The following ATXN3 variants were observed in gnomAD, a reference collection of about 807,000 sequenced individuals.
ATXN3 encodes ataxin 3, also known as ataxin-3.
Under a neutral mutation model 58.2 loss-of-function variants are expected in ATXN3, and 28 were observed. The observed-to-expected ratio is 0.48, with a 90% CI of 0.36 to 0.66. ATXN3 has a LOEUF of 0.66. ATXN3 is among the 30% of genes least tolerant of loss of function. ATXN3 has a pLI of 0.00. For missense variants in ATXN3, 321 were observed against 422.1 expected (o/e 0.76, Z 2.10); for synonymous variants, 113 against 138.5 (o/e 0.82, Z 1.29).
chr14:92,086,380 T>C (rs112083702), intron 6 of ATXN3, among the ~76,000 whole-genome samples: 18,076 of 150,588 alleles, frequency 0.12, 1,165 homozygotes, highest in African/African-American at 0.17. Context: ...CTAACAAACA[T>C]GGAGAAACCC....
intron 10 of ATXN3, among the ~76,000 whole-genome samples, chr14:92,066,618 T>C (rs59217884): frequency 2.0e-5 from 2 of 100,292 alleles, no homozygotes; most frequent in East Asian, 6.4e-4. Context: ...TTTTTTTTTT[T>C]TTTTTTTGAG....
intron 1 of ATXN3, among the ~76,000 whole-genome samples, chr14:92,104,236 G>T (rs1211166230): frequency 6.6e-6 from 1 of 152,152 alleles, no homozygotes; most frequent in Non-Finnish European, 1.5e-5. Flanking sequence ...TGCCTCTCGG[G>T]TTCAAGCAAT....
intron 1 of ATXN3, chr14:92,048,093 C>T (rs2057435106): frequency 6.6e-6 from 1 of 152,258 alleles, no homozygotes; most frequent in Non-Finnish European, 1.5e-5. Context: ...TGGGGTCCTG[C>T]ACAGATGGGA....
downstream of ATXN3, among the ~76,000 whole-genome samples, chr14:92,053,819 T>A (rs920118155): frequency 6.6e-6 from 1 of 152,054 alleles, no homozygotes; most frequent in Non-Finnish European, 1.5e-5. Flanking sequence ...TTCTGATTGC[T>A]GGGCTGCAAC....
rs1364134780 is a variant in ATXN3 at position 92,060,008 on chromosome 14, GC to G, written c.*4311del. ...CCTCCTGGGTTTAAACGATTCTCCTGCCTCAGCCTCCCAAGTAACTGGGATT... is the reference window on the plus strand; with the variant it reads ...CCTCCTGGGTTTAAACGATTCTCCTGCTCAGCCTCCCAAGTAACTGGGATT... On this transcript the variant is annotated 3_prime_UTR_variant, in exon 11 of 11. Transcript: ENST00000644486. 2 of 148,452 alleles carry G rather than the reference GC, an allele frequency of 1.3e-5. No homozygotes were observed. The highest frequency in any genetic ancestry group is 4.9e-5 in the African/African-American group (2 of 40,710). The allele number at this position is 148,452 out of a possible 1,614,324, so 9.2% of individuals were successfully genotyped here.
intron 2 of ATXN3, among the ~76,000 whole-genome samples, chr14:92,046,479 G>T (rs1345688953): frequency 6.6e-6 from 1 of 152,238 alleles, no homozygotes; most frequent in African/African-American, 2.4e-5. Flanking sequence ...TGTTTGGACA[G>T]AAAGGCTACA....
At chr14:92,076,363 G>C (rs560458940) in intron 9 of ATXN3, among the ~76,000 whole-genome samples, 11 of 151,264 alleles carry the variant, frequency 7.3e-5, no homozygotes, top group Non-Finnish European at 8.8e-5. Flanking sequence ...CAGGGGAATT[G>C]CTTGAACCAG....
intron 1 of ATXN3, among the ~76,000 whole-genome samples, chr14:92,104,966 T>G (rs2067899410): frequency 6.6e-6 from 1 of 151,298 alleles, no homozygotes; most frequent in Admixed American, 6.6e-5. Context: ...TCACGCACTC[T>G]ACTCAGCCAA....
upstream of ATXN3, among the ~76,000 whole-genome samples, chr14:92,052,861 T>C (rs1168395233): frequency 6.6e-6 from 1 of 152,200 alleles, no homozygotes; most frequent in Non-Finnish European, 1.5e-5. Flanking sequence ...GACTGAGGCT[T>C]TGCTTGATAG....
intron 5 of ATXN3, among the ~76,000 whole-genome samples, chr14:92,089,205 A>C (rs2063220360): frequency 6.6e-6 from 1 of 151,226 alleles, no homozygotes; most frequent in African/African-American, 2.4e-5. Context: ...TTAGTTAGAG[A>C]CAGCACATTT....
chr14:92,081,465 C>CAAAAAAAAAAAAAAAA (rs58398762), intron 8 of ATXN3, among the ~76,000 whole-genome samples: 40 of 82,958 alleles, frequency 4.8e-4, no homozygotes, highest in Admixed American at 1.0e-3. Flanking sequence ...GACTCTGACT[C>CAAAAAAAAAAAAAAAA]AAAAAAAAAA....
Position 92,083,267 on chromosome 14 carries a change from A to G in ATXN3, c.476-9T>C, listed in dbSNP as rs1379838006. ...GACAAATATAGAATAACCTAAAAAA[A>G]AAAGGCAAAAATCAACCTAACCAGT... On this transcript the variant is annotated splice_polypyrimidine_tract_variant and intron_variant, in intron 6 of 10. Coordinates refer to ENST00000644486, the MANE Select transcript of ATXN3 (RefSeq NM_004993.6). 6.3e-7 allele frequency: 1 copy of G among 1,590,958 alleles called. No individual in the cohort carries two copies. The highest frequency in any genetic ancestry group is 8.5e-7 in the Non-Finnish European group (1 of 1,173,944).
At chr14:92,095,312 T>C (rs1460232874) in intron 3 of ATXN3, among the ~76,000 whole-genome samples, 1 of 152,056 alleles carries the variant, frequency 6.6e-6, no homozygotes, top group Non-Finnish European at 1.5e-5. Context: ...GGCGCGATCT[T>C]GGCTCACTGC....
rs913618040 is a variant in ATXN3 at position 92,090,796 on chromosome 14, T to C, written c.388-1979A>G. The stretch of plus-strand genomic sequence containing the variant: ...ACAACCTTAAAAATTCAGTGCTTAC[T>C]TTATACAAAAAAAAGTAAAAAATAC... On this transcript the variant is annotated intron_variant, in intron 5 of 10. Transcript: ENST00000644486. Among the ~76,000 whole-genome samples, 8 of 152,152 alleles carry C rather than the reference T, an allele frequency of 5.3e-5. No homozygotes were observed. The East Asian group carries it at 1.5e-3, about 29-fold the overall frequency.
intron 7 of ATXN3, among the ~76,000 whole-genome samples, chr14:92,082,820 T>G (rs2061709009): frequency 6.6e-6 from 1 of 152,026 alleles, no homozygotes; most frequent in African/African-American, 2.4e-5. Flanking sequence ...TGGCTAATTT[T>G]TGTACTATTT....
chr14:92,095,983 C>A, intron 3 of ATXN3, 110 bp downstream of exon 3: 2 of 913,238 alleles, frequency 2.2e-6, no homozygotes, highest in Non-Finnish European at 3.7e-6. Context: ...AATCTATACT[C>A]TGTAGACAGA....
At chr14:92,051,708 C>CT (rs2057448421), upstream of ATXN3, among the ~76,000 whole-genome samples, 1 of 28,154 alleles carries the variant, frequency 3.6e-5, no homozygotes, top group Non-Finnish European at 7.9e-5. Flanking sequence ...TTCTTTTCTT[C>CT]TTTTCCTTTC....
At position 92,062,302 on chromosome 14, in the gene ATXN3, T is replaced by G. The variant is rs187186734; in HGVS notation, c.*2018A>C. On this transcript the variant is annotated 3_prime_UTR_variant, in exon 11 of 11. Transcript: ENST00000644486. Reference sequence around the variant, plus strand: ...ACAAAAACTCTCTAGGAACTAAAAGTCAAACATGCCATATTTTCTTAAGTG... The same window carrying G: ...ACAAAAACTCTCTAGGAACTAAAAGGCAAACATGCCATATTTTCTTAAGTG... 1.1e-4 allele frequency: 17 copies of G among 152,096 alleles called. No individual in the cohort carries two copies. The highest frequency in any genetic ancestry group is 5.2e-4 in the Admixed American group (8 of 15,258). 9.4% of individuals were successfully genotyped at this position (152,096 alleles called of 1,614,324 possible). A position where few individuals can be genotyped will look rare whatever the true frequency, so the allele number is the denominator to read the frequency against.
intron 10 of ATXN3, among the ~76,000 whole-genome samples, chr14:92,065,669 T>C (rs7150333): frequency 0.45 from 67,878 of 151,904 alleles, 16,376 homozygotes; most frequent in African/African-American, 0.64. Flanking sequence ...ATCACGAGGT[T>C]AGGAGATGGA....
Sources: gnomAD v4.1 joint callset for allele counts (sites outside exome capture counted in the v4.1 genomes callset) on GRCh38, gnomAD v4.1.1 for gene constraint, MANE v1.5 for transcripts, NCBI Gene and HGNC (gene_info 2026-07-23, HGNC 2026-07-21) for gene names.